NAT1: variants seen among roughly 807,000 people sequenced by gnomAD.
The protein encoded by NAT1 is N-acetyltransferase 1.
For missense variants in NAT1, 400 were observed against 339.2 expected, an observed-to-expected ratio of 1.18 and a Z score of -1.41; for synonymous variants, 144 against 122.6, an observed-to-expected ratio of 1.17 and a Z score of -1.16.
chr8:18,177,775 G>A (rs1284257199), intron 2 of NAT1, among the ~76,000 whole-genome samples: 2 of 152,110 alleles, frequency 1.3e-5, no homozygotes, highest in African/African-American at 2.4e-5. Flanking sequence ...TACGCAGGTT[G>A]CAACTTTATT....
At chr8:18,208,652 A>G (rs1456859900), upstream of NAT1, among the ~76,000 whole-genome samples, 1 of 152,242 alleles carries the variant, frequency 6.6e-6, no homozygotes, top group Non-Finnish European at 1.5e-5. Context: ...GTGTGAAGAC[A>G]GAGTCTACCT....
At chr8:18,209,237 G>A (rs968660053), upstream of NAT1, among the ~76,000 whole-genome samples, 1 of 152,226 alleles carries the variant, frequency 6.6e-6, no homozygotes, top group African/African-American at 2.4e-5. Context: ...GAAAGCCTTC[G>A]CATAGAGTCC....
chr8:18,221,364 A>G (rs1344330361), intron 2 of NAT1, among the ~76,000 whole-genome samples: 2 of 142,478 alleles, frequency 1.4e-5, no homozygotes, highest in Non-Finnish European at 3.0e-5. Flanking sequence ...CTCCCTCTGT[A>G]CTTACTGGGT....
chr8:18,217,951 T>C (rs1804865453), intron 1 of NAT1, among the ~76,000 whole-genome samples: 1 of 152,200 alleles, frequency 6.6e-6, no homozygotes, highest in Non-Finnish European at 1.5e-5. Flanking sequence ...CAGGGGTTTC[T>C]TTGGATTTAT....
chr8:18,182,925 A>T (rs1209403662), intron 2 of NAT1, among the ~76,000 whole-genome samples: 2 of 152,188 alleles, frequency 1.3e-5, no homozygotes, highest in Non-Finnish European at 2.9e-5. Flanking sequence ...CTGCATAAAG[A>T]TCTTATGCAC....
intron 2 of NAT1, among the ~76,000 whole-genome samples, 185 bp downstream of exon 2, chr8:18,219,674 G>C (rs1309140412): frequency 1.3e-5 from 2 of 152,198 alleles, no homozygotes; most frequent in Non-Finnish European, 2.9e-5. Flanking sequence ...TACTTTCCAA[G>C]TGCTTTCAGC....
At chr8:18,175,720 A>C (rs1410838104) in intron 2 of NAT1, among the ~76,000 whole-genome samples, 2 of 152,052 alleles carry the variant, frequency 1.3e-5, no homozygotes, top group African/African-American at 4.8e-5. Context: ...ATTCCTTTAA[A>C]TATATATCCA....
upstream of NAT1, chr8:18,209,964 T>C (rs919599029): frequency 3.3e-5 from 5 of 152,036 alleles, no homozygotes; most frequent in African/African-American, 1.2e-4. Flanking sequence ...TGGTAAGATA[T>C]GAATAAGGGG....
At position 18,222,718 on chromosome 8, in the gene NAT1, C is replaced by T. The variant is rs905333539; in HGVS notation, c.671C>T (p.Ser224Phe). The T allele has an allele frequency of 2.5e-6, 4 of 1,613,972 alleles. No individual in the cohort carries two copies. The highest frequency in any genetic ancestry group is 2.5e-6 in the Non-Finnish European group (3 of 1,179,958). ...SSVFTSKSFCSLQTPDGVHCL... is the reference protein window; with the variant it reads ...SSVFTSKSFCFLQTPDGVHCL... ...GTGTTTACTAGTAAATCATTTTGTT[C>T]CTTGCAGACCCCAGATGGGGTTCAC... The change falls in exon 3 of 3, where the codon TCC becomes TTC. Residue 224 changes from serine (S) to phenylalanine (F), a missense_variant. By Grantham distance (155) the Ser-to-Phe change is radical (BLOSUM62 -2). Transcript: ENST00000307719.
At chr8:18,172,243 G>A (rs1391581847) in intron 2 of NAT1, among the ~76,000 whole-genome samples, 2 of 152,166 alleles carry the variant, frequency 1.3e-5, no homozygotes, top group Non-Finnish European at 1.5e-5. Context: ...GGCAGTGTAT[G>A]CTGTTACAAT....
Position 18,222,115 on chromosome 8 carries a change from C to T in NAT1, c.68C>T (p.Thr23Ile). The T allele has an allele frequency of 6.2e-7, 1 of 1,614,074 alleles. No individual in the cohort carries two copies. Among genetic ancestry groups the T allele is most frequent in the Non-Finnish European group, 8.5e-7 (1 of 1,179,968 alleles). ...KKSRNKLDLE[T>I]LTDILQHQIR... ...TCTAGGAACAAATTGGACTTGGAAA[C>T]ATTAACTGACATTCTTCAACACCAG... Residue 23 changes from threonine to isoleucine, a missense_variant, in exon 3 of 3, where the codon ACA becomes ATA. Transcript: ENST00000307719.
chr8:18,203,276 T>G (rs1217801184), intron 2 of NAT1, among the ~76,000 whole-genome samples: 1 of 152,192 alleles, frequency 6.6e-6, no homozygotes, highest in East Asian at 1.9e-4. Context: ...AAAATAGAAA[T>G]GACCTCAGAT....
At position 18,222,577 on chromosome 8, in the gene NAT1, A is replaced by T. The variant is rs773741828; in HGVS notation, c.530A>T (p.His177Leu). 1 of 1,614,076 alleles carries T rather than the reference A, an allele frequency of 6.2e-7. No homozygotes were observed. Among genetic ancestry groups the T allele is most frequent in the East Asian group, 2.2e-5 (1 of 44,876 alleles). The change falls in exon 3 of 3, where the codon CAT becomes CTT. Residue 177 changes from histidine (H) to leucine (L), a missense_variant. Physicochemically the swap from His to Leu is moderately conservative, Grantham distance 99. Coordinates refer to ENST00000307719, the MANE Select transcript of NAT1 (RefSeq NM_000662.8). ...TACATTCCAAATGAAGAATTTCTTCATTCTGATCTCCTAGAAGACAGCAAA... is the reference window on the plus strand; with the variant it reads ...TACATTCCAAATGAAGAATTTCTTCTTTCTGATCTCCTAGAAGACAGCAAA... The part of the protein sequence containing the change: ...EQYIPNEEFL[H>L]SDLLEDSKYR...
At chr8:18,216,881 G>A (rs1589118795) in intron 1 of NAT1, 1 of 1,543,938 alleles carries the variant, frequency 6.5e-7, no homozygotes, top group African/African-American at 1.4e-5. Context: ...CAACAGACGT[G>A]TACAGAAGGG....
intron 2 of NAT1, among the ~76,000 whole-genome samples, chr8:18,179,156 G>A (rs951244710): frequency 6.6e-6 from 1 of 151,966 alleles, no homozygotes; most frequent in Non-Finnish European, 1.5e-5. Context: ...CTGATATTTG[G>A]TGTCTGTTCC....
At chr8:18,181,045 C>T (rs1356781840) in intron 2 of NAT1, among the ~76,000 whole-genome samples, 1 of 151,824 alleles carries the variant, frequency 6.6e-6, no homozygotes. Context: ...TGAAGTATGT[C>T]ATTGGTATTT....
chr8:18,176,603 G>GTTTT (rs141707231), intron 2 of NAT1, among the ~76,000 whole-genome samples: 1 of 150,072 alleles, frequency 6.7e-6, no homozygotes, highest in African/African-American at 2.5e-5. Context: ...TTTTTGTTTT[G>GTTTT]TTTTGTTTTT....
upstream of NAT1, among the ~76,000 whole-genome samples, chr8:18,207,862 AC>A (rs1245628244): frequency 5.3e-5 from 8 of 152,360 alleles, no homozygotes; most frequent in African/African-American, 1.9e-4. Flanking sequence ...CATGGAATCA[AC>A]CCAAATGCCT....
At chr8:18,171,222 A>C (rs1002361093) in intron 2 of NAT1, among the ~76,000 whole-genome samples, 1 of 152,206 alleles carries the variant, frequency 6.6e-6, no homozygotes. Context: ...GTAATCTAAA[A>C]TTAAAGTGGC....
Sources: gnomAD v4.1 joint callset for allele counts (sites outside exome capture counted in the v4.1 genomes callset) on GRCh38, gnomAD v4.1.1 for gene constraint, MANE v1.5 for transcripts, NCBI Gene and HGNC (gene_info 2026-07-23, HGNC 2026-07-21) for gene names.